Variants in TOMM40 observed in about 807,000 individuals in gnomAD.
The protein encoded by TOMM40 is translocase of outer mitochondrial membrane 40, also known as mitochondrial import receptor subunit TOM40 homolog.
In TOMM40, 9 loss-of-function variants were observed where a neutral mutation model predicts 38.4. That is an observed-to-expected ratio of 0.23 (90% confidence interval 0.14 to 0.41). The LOEUF (loss-of-function observed/expected upper bound fraction) is 0.41, where lower values mean the gene tolerates loss of function less well. Among genes scored for constraint, TOMM40 ranks in the 10% least tolerant of loss-of-function variants. The pLI is 1.00. For missense variants in TOMM40, 299 were observed against 486.5 expected (o/e 0.61, Z 3.63); for synonymous variants, 184 against 210.0 (o/e 0.88, Z 1.07).
chr19:44,902,807 A>G (rs1969706971), intron 8 of TOMM40: 2 of 517,908 alleles, frequency 3.9e-6, no homozygotes, highest in African/African-American at 3.9e-5. Context: ...AGGGGTCTAG[A>G]GGGCTTTTCA....
intron 3 of TOMM40, among the ~76,000 whole-genome samples, chr19:44,893,252 G>A (rs931414184): frequency 5.3e-5 from 8 of 152,154 alleles, no homozygotes; most frequent in African/African-American, 1.2e-4. Context: ...ACTAGGCTTT[G>A]GACTTTCTCT....
chr19:44,895,356 G>A (rs1462683159), intron 5 of TOMM40, among the ~76,000 whole-genome samples: 3 of 152,046 alleles, frequency 2.0e-5, no homozygotes, highest in Non-Finnish European at 4.4e-5. Context: ...GGAAGGGAAG[G>A]GCCATGGCAG....
At chr19:44,902,938 G>A (rs1969710258) in intron 8 of TOMM40, 92 bp from the exon 9 acceptor site, 1 of 1,514,024 alleles carries the variant, frequency 6.6e-7, no homozygotes, top group Admixed American at 2.0e-5. Flanking sequence ...TCTGGAAGCT[G>A]TCGGCATGTG....
In TOMM40 at chr19:44,903,431, G is replaced by A. The variant is rs56748600; in HGVS notation, c.*262G>A. On this transcript the variant is annotated 3_prime_UTR_variant, in exon 9 of 9. Transcript: ENST00000426677. ...GAGGGATTCCGGAATTGAGGGGCAC[G>A]CAGGATTCTGAGCACCAGGGGCAGA... 260 of 386,052 alleles carry A rather than the reference G, an allele frequency of 6.7e-4. 2 individuals are homozygous for A. Among genetic ancestry groups the A allele is most frequent in the African/African-American group, 4.0e-3 (191 of 47,326 alleles). 23.9% of individuals were successfully genotyped at this position (386,052 alleles called of 1,614,324 possible).
intron 5 of TOMM40, among the ~76,000 whole-genome samples, chr19:44,898,862 A>G (rs935534342): frequency 7.3e-5 from 11 of 150,646 alleles, no homozygotes; most frequent in African/African-American, 2.7e-4. Flanking sequence ...AAAATTTTTT[A>G]GGCCGGGCGC....
At chr19:44,901,457 G>T in intron 8 of TOMM40, 147 bp downstream of exon 8, 2 of 1,473,950 alleles carry the variant, frequency 1.4e-6, no homozygotes, top group Non-Finnish European at 1.8e-6. Context: ...TAAAAGGTAG[G>T]TGGGGCCGGG....
At chr19:44,895,865 G>T (rs1400664377) in intron 5 of TOMM40, among the ~76,000 whole-genome samples, 2 of 152,068 alleles carry the variant, frequency 1.3e-5, no homozygotes, top group African/African-American at 4.8e-5. Flanking sequence ...AAGCTTTTCT[G>T]ACGGTTCCTG....
At position 44,903,524 on chromosome 19, in the gene TOMM40, C is replaced by A. The variant is rs990523687; in HGVS notation, c.*355C>A. ...TCCTCCAAAGGGCCTGGGCCCGCCC[C>A]GAGGGGGCAGCGAGAGGAGCTTCCC... On this transcript the variant is annotated 3_prime_UTR_variant, in exon 9 of 9. Transcript: ENST00000426677. The A allele has an allele frequency of 1.1e-4, 24 of 215,572 alleles. No individual in the cohort carries two copies. The highest frequency in any genetic ancestry group is 2.4e-4 in the Admixed American group (4 of 16,744). The allele number at this position is 215,572 out of a possible 1,614,324, so 13.4% of individuals were successfully genotyped here. A position where few individuals can be genotyped will look rare whatever the true frequency, so the allele number is the denominator to read the frequency against.
intron 8 of TOMM40, 87 bp from the exon 9 acceptor site, chr19:44,902,943 C>G (rs1424119016): frequency 6.6e-7 from 1 of 1,524,746 alleles, no homozygotes; most frequent in Non-Finnish European, 8.8e-7. Context: ...AAGCTGTCGG[C>G]ATGTGGCTGG....
chr19:44,892,980 T>C, intron 3 of TOMM40, 51 bp downstream of exon 3: 1 of 1,395,934 alleles, frequency 7.2e-7, no homozygotes. Flanking sequence ...AACAAATTTG[T>C]AGCCAAATGT....
intron 5 of TOMM40, among the ~76,000 whole-genome samples, chr19:44,896,628 T>A (rs1381616028): frequency 6.6e-6 from 1 of 152,262 alleles, no homozygotes; most frequent in Non-Finnish European, 1.5e-5. Context: ...GGAAGCTTAA[T>A]TCAGGAGCCC....
intron 5 of TOMM40, among the ~76,000 whole-genome samples, chr19:44,897,823 A>G (rs1969596451): frequency 6.7e-6 from 1 of 148,730 alleles, no homozygotes; most frequent in East Asian, 2.0e-4. Context: ...GGGTCTCGCC[A>G]TGTTGCCCCA....
chr19:44,894,162 G>GC, intron 5 of TOMM40, 96 bp downstream of exon 5: 2 of 904,758 alleles, frequency 2.2e-6, no homozygotes, highest in Non-Finnish European at 3.3e-6. Flanking sequence ...TCTGCCACTG[G>GC]AGAAGTGGCT....
chr19:44,891,839 A>G, intron 1 of TOMM40, 150 bp downstream of exon 1: 1 of 887,026 alleles, frequency 1.1e-6, no homozygotes, highest in Admixed American at 3.9e-5. Context: ...GGAACGTTGG[A>G]CTTGGGGCTT....
chr19:44,900,226 G>C (rs1349610670), intron 5 of TOMM40, among the ~76,000 whole-genome samples: 2 of 152,190 alleles, frequency 1.3e-5, no homozygotes, highest in Non-Finnish European at 2.9e-5. Context: ...CCAAGAGGCA[G>C]TTAGGTTCAC....
chr19:44,891,744 G>A (rs975482023), intron 1 of TOMM40, 55 bp downstream of exon 1: 45 of 1,384,326 alleles, frequency 3.3e-5, no homozygotes, highest in East Asian at 1.2e-4. Flanking sequence ...CGGGGGAAGG[G>A]GGAGGACACT....
At chr19:44,899,791 CTTTTTTTTTTTTTTTTTTTT>C (rs10524523) in intron 5 of TOMM40, among the ~76,000 whole-genome samples, 2,852 of 91,058 alleles carry the variant, frequency 0.031, 135 homozygotes, top group African/African-American at 0.097. Context: ...TTGCATCTGG[CTTTTTTTTTTTTTTTTTTTT>C]TTTTTTTTTT....
chr19:44,901,013 C>T lies in TOMM40; in HGVS notation c.767-15C>T. On this transcript the variant is annotated splice_polypyrimidine_tract_variant and intron_variant, in intron 6 of 8. Coordinates refer to ENST00000426677, the MANE Select transcript of TOMM40 (RefSeq NM_001128917.2). Reference sequence around the variant, plus strand: ...CTTGGTAATGAGACCCCGCCTCCACCCCACTCTCTGACAGTGAACAACTGG... The same window carrying T: ...CTTGGTAATGAGACCCCGCCTCCACTCCACTCTCTGACAGTGAACAACTGG... 1 of 1,613,968 alleles carries T rather than the reference C, an allele frequency of 6.2e-7. No homozygotes were observed. The highest frequency in any genetic ancestry group is 8.5e-7 in the Non-Finnish European group (1 of 1,179,986).
At chr19:44,894,187 T>C (rs1297527553) in intron 5 of TOMM40, 121 bp downstream of exon 5, 1 of 702,752 alleles carries the variant, frequency 1.4e-6, no homozygotes, top group Non-Finnish European at 2.3e-6. Flanking sequence ...AGGAGTGATT[T>C]TGAAACATCA....
Sources: allele counts gnomAD v4.1 joint callset (sites outside exome capture counted in the v4.1 genomes callset), GRCh38; gene constraint gnomAD v4.1.1; transcripts MANE v1.5; gene names NCBI Gene and HGNC (gene_info 2026-07-23, HGNC 2026-07-21).